HNMT: variants seen among roughly 807,000 people sequenced by gnomAD.
HNMT encodes histamine N-methyltransferase.
HNMT carries 30 observed loss-of-function variants against 32.1 expected under a neutral mutation model. That is an observed-to-expected ratio of 0.93 (90% CI 0.70 to 1.27). The LOEUF (loss-of-function observed/expected upper bound fraction) is 1.27, where lower values mean the gene tolerates loss of function less well. Among genes scored for constraint, HNMT ranks in the 50% most tolerant of loss-of-function variants. HNMT has a pLI of 0.00. For synonymous variants in HNMT, 125 were observed against 119.0 expected, an observed-to-expected ratio of 1.05 and a Z score of -0.33; for missense variants, 327 against 346.0, an observed-to-expected ratio of 0.95 and a Z score of 0.43.
rs542278277 is a variant in HNMT, at chr2:137,995,231, G to C, written c.191-5687G>C. On this transcript the variant is annotated intron_variant, in intron 2 of 5. Coordinates refer to ENST00000280097, the MANE Select transcript of HNMT (RefSeq NM_006895.3). The stretch of plus-strand genomic sequence containing the variant: ...AAAAAAAAAATCAATGAGTCCAGGA[G>C]CTGGTTTTTTGAAAAAATTAACAAA... Among the ~76,000 whole-genome samples, 10 of 152,080 alleles carry C rather than the reference G, an allele frequency of 6.6e-5. No individual in the cohort carries two copies. In the South Asian group the frequency reaches 2.1e-3, roughly 32 times the overall value.
intron 2 of HNMT, among the ~76,000 whole-genome samples, chr2:137,991,657 G>A (rs565156146): frequency 3.9e-5 from 6 of 152,084 alleles, no homozygotes; most frequent in South Asian, 2.1e-4. Context: ...CACATATATC[G>A]ATCTATGCAT....
At chr2:137,980,451 T>A (rs1274475002) in intron 2 of HNMT, among the ~76,000 whole-genome samples, 1 of 152,224 alleles carries the variant, frequency 6.6e-6, no homozygotes, top group Non-Finnish European at 1.5e-5. Flanking sequence ...CCGAGTATAC[T>A]TCAGCTCTGA....
chr2:137,970,930 AAAAAAAGAAAG>A (rs1310204731), intron 2 of HNMT, among the ~76,000 whole-genome samples: 1 of 66,428 alleles, frequency 1.5e-5, no homozygotes, highest in Admixed American at 1.9e-4. Flanking sequence ...AAAAAAAAAA[AAAAAAAGAAAG>A]AAAGAAAGAA....
At chr2:138,010,418 AAGG>A (rs1681459048) in intron 5 of HNMT, among the ~76,000 whole-genome samples, 1 of 148,664 alleles carries the variant, frequency 6.7e-6, no homozygotes, top group Non-Finnish European at 1.5e-5. Flanking sequence ...ATAGGAATAA[AAGG>A]CTCAATAAAA....
intron 2 of HNMT, among the ~76,000 whole-genome samples, chr2:137,977,736 A>G (rs1247301982): frequency 1.3e-5 from 2 of 152,014 alleles, no homozygotes; most frequent in African/African-American, 4.8e-5. Context: ...ATGAAATTAA[A>G]ATTTCCCTGA....
chr2:137,966,328 C>T (rs1679955555), intron 1 of HNMT, among the ~76,000 whole-genome samples: 1 of 152,150 alleles, frequency 6.6e-6, no homozygotes. Flanking sequence ...CGGAAGCAAC[C>T]ACTTTCAGCA....
intron 5 of HNMT, among the ~76,000 whole-genome samples, chr2:138,009,448 C>T (rs1448702278): frequency 1.3e-5 from 2 of 152,090 alleles, no homozygotes; most frequent in East Asian, 3.9e-4. Context: ...AACCTGTGCA[C>T]ACATGAACTT....
intron 2 of HNMT, among the ~76,000 whole-genome samples, chr2:137,999,611 C>T (rs139781962): frequency 4.1e-3 from 629 of 152,252 alleles, no homozygotes; most frequent in African/African-American, 0.014. Context: ...CTGCTAATGT[C>T]ATTTATGCCA....
chr2:137,970,945 G>A (rs149129488), intron 2 of HNMT, among the ~76,000 whole-genome samples: 5 of 24,584 alleles, frequency 2.0e-4, no homozygotes, highest in African/African-American at 7.2e-4. Flanking sequence ...AAGAAAGAAA[G>A]AAAGAAAGAA....
intron 2 of HNMT, among the ~76,000 whole-genome samples, chr2:137,982,011 G>A (rs528614320): frequency 6.6e-6 from 1 of 152,056 alleles, no homozygotes; most frequent in Admixed American, 6.6e-5. Flanking sequence ...ACGCCACCAC[G>A]CCCAGATAAT....
chr2:138,002,713 T>C (rs1381245807), intron 4 of HNMT: 2 of 710,340 alleles, frequency 2.8e-6, no homozygotes, highest in African/African-American at 3.9e-5. Flanking sequence ...TCCAAAAGTG[T>C]TGGAATTACA....
intron 2 of HNMT, among the ~76,000 whole-genome samples, chr2:137,992,412 T>TTGTC (rs1680849271): frequency 6.6e-6 from 1 of 152,196 alleles, no homozygotes; most frequent in Non-Finnish European, 1.5e-5. Flanking sequence ...GTCCCAAGAC[T>TTGTC]TGTCCCTCAC....
chr2:138,000,957 A>G lies in HNMT; in HGVS notation c.230A>G (p.Gln77Arg). ...CAAATTCTCTCCAAAGTTCAGGCTC[A>G]ATACCCAGGAGTTTGTATCAACAAT... ...DLQILSKVQA[Q>R]YPGVCINNEV... Residue 77 changes from glutamine to arginine, a missense_variant, in exon 3 of 6, where the codon CAA becomes CGA. Physicochemically the swap from Gln to Arg is conservative, Grantham distance 43 (BLOSUM62 1). Transcript: ENST00000280097. 1 of 1,608,416 alleles carries G rather than the reference A, an allele frequency of 6.2e-7. No individual in the cohort carries two copies. Among genetic ancestry groups the G allele is most frequent in the East Asian group, 2.2e-5 (1 of 44,594 alleles).
At chr2:137,967,456 T>C (rs1050262092) in intron 1 of HNMT, 48 of 234,404 alleles carry the variant, frequency 2.0e-4, no homozygotes, top group Non-Finnish European at 5.8e-5. Flanking sequence ...CCTTGGCATG[T>C]GGAATAACTT....
At chr2:137,985,540 CA>C (rs1334048091) in intron 2 of HNMT, among the ~76,000 whole-genome samples, 2 of 152,128 alleles carry the variant, frequency 1.3e-5, no homozygotes, top group Non-Finnish European at 2.9e-5. Context: ...TCTAGTCATC[CA>C]AGTAACTATC....
chr2:137,986,652 G>A, intron 2 of HNMT, among the ~76,000 whole-genome samples: 1 of 152,010 alleles, frequency 6.6e-6, no homozygotes, highest in East Asian at 1.9e-4. Flanking sequence ...ACACATAAAA[G>A]TAACCATCAC....
intron 5 of HNMT, among the ~76,000 whole-genome samples, chr2:138,008,140 C>T (rs1018692776): frequency 1.3e-5 from 2 of 152,104 alleles, no homozygotes; most frequent in African/African-American, 2.4e-5. Flanking sequence ...TTTCTCCCCC[C>T]ACCCTCCATC....
chr2:137,984,473 G>A (rs1234835225), intron 2 of HNMT, among the ~76,000 whole-genome samples: 6 of 152,100 alleles, frequency 3.9e-5, no homozygotes, highest in Admixed American at 1.3e-4. Flanking sequence ...TAATGAGTTT[G>A]AGCAATGTCA....
At chr2:137,982,574 C>A (rs1680535669) in intron 2 of HNMT, among the ~76,000 whole-genome samples, 1 of 152,116 alleles carries the variant, frequency 6.6e-6, no homozygotes, top group African/African-American at 2.4e-5. Flanking sequence ...TTTTCATTAA[C>A]TTCCCAAATC....
Sources: allele counts gnomAD v4.1 joint callset (sites outside exome capture counted in the v4.1 genomes callset), GRCh38; gene constraint gnomAD v4.1.1; transcripts MANE v1.5; gene names NCBI Gene and HGNC (gene_info 2026-07-23, HGNC 2026-07-21).